PCGF6: variants seen among roughly 807,000 people sequenced by gnomAD.
PCGF6 encodes polycomb group RING finger protein 6.
A neutral mutation model predicts 45.5 loss-of-function variants in PCGF6; 24 were observed. That is an observed-to-expected ratio of 0.53 (90% confidence interval 0.38 to 0.74). The LOEUF (loss-of-function observed/expected upper bound fraction) is 0.74, where lower values mean the gene tolerates loss of function less well. Among genes scored for constraint, PCGF6 ranks in the 30% least tolerant of loss-of-function variants. PCGF6 has a pLI of 0.00. For synonymous variants in PCGF6, 152 were observed against 162.1 expected (o/e 0.94, Z 0.47); for missense variants, 356 against 443.2 (o/e 0.80, Z 1.77).
chr10:103,350,611 G>A (rs536008047), intron 1 of PCGF6, 96 bp downstream of exon 1: 2 of 1,241,066 alleles, frequency 1.6e-6, no homozygotes, highest in Non-Finnish European at 1.0e-6. Flanking sequence ...GCGCGGCGGC[G>A]GCGCACTAGG....
rs767801267 is a variant in PCGF6, at chr10:103,348,670, A to C, written c.557+46T>G. The C allele has an allele frequency of 5.9e-6, 8 of 1,357,428 alleles. No individual in the cohort carries two copies. In the East Asian group the frequency reaches 1.9e-4, roughly 33 times the overall value. The allele number at this position is 1,357,428 out of a possible 1,614,324, so 84.1% of individuals were successfully genotyped here. On this transcript the variant is annotated intron_variant, in intron 3 of 9. Transcript: ENST00000369847. ...CAACTATATAACTTCAAGCTTTCAG[A>C]AAAAGTATATTTAAAATACAATTGT...
At chr10:103,312,084 C>CACAA (rs2093159374) in intron 9 of PCGF6, among the ~76,000 whole-genome samples, 1 of 47,244 alleles carries the variant, frequency 2.1e-5, no homozygotes. Flanking sequence ...ACTCTGTCTC[C>CACAA]AAAAAAAAAA....
intron 5 of PCGF6, among the ~76,000 whole-genome samples, chr10:103,346,469 CA>C (rs1232080804): frequency 6.6e-6 from 1 of 151,666 alleles, no homozygotes; most frequent in Non-Finnish European, 1.5e-5. Flanking sequence ...ACTAAAAATA[CA>C]AAAATTAGCT....
intron 3 of PCGF6, among the ~76,000 whole-genome samples, chr10:103,347,928 C>G (rs1237046813): frequency 6.6e-6 from 1 of 152,170 alleles, no homozygotes; most frequent in Non-Finnish European, 1.5e-5. Context: ...TGTCTATCAT[C>G]TGCAAAGCAC....
chr10:103,348,944 C>G lies in PCGF6; in HGVS notation c.416G>C (p.Gly139Ala). 3 of 1,613,902 alleles carry G rather than the reference C, an allele frequency of 1.9e-6. No individual in the cohort carries two copies. In the South Asian group the frequency reaches 3.3e-5, roughly 18 times the overall value. Residue 139 changes from glycine (G) to alanine (A), a missense_variant, in exon 2 of 10, where the codon GGT becomes GCT. Physicochemically the swap from Gly to Ala is moderately conservative, Grantham distance 60 (BLOSUM62 0). This residue lies in a region of PCGF6 where 307 missense variants were observed against 350.1 expected (regional missense o/e 0.88). Transcript: ENST00000369847. The part of the protein sequence containing the change: ...TPYILCSICK[G>A]YLIDATTITE... The stretch of plus-strand genomic sequence containing the variant: ...GATGGTAGTTGCATCTATTAAGTAA[C>G]CTTTGCAAATGGAACACAAGATGTA...
chr10:103,345,440 T>C (rs1419863596), intron 5 of PCGF6, among the ~76,000 whole-genome samples: 3 of 151,928 alleles, frequency 2.0e-5, no homozygotes, highest in South Asian at 2.1e-4. Context: ...GGCTCATACT[T>C]AGCACTTCTC....
In PCGF6 at chr10:103,351,138, A is replaced by G; in HGVS notation, c.-72T>C. 7.7e-7 allele frequency: 1 copy of G among 1,300,932 alleles called. No individual in the cohort carries two copies. Among genetic ancestry groups the G allele is most frequent in the Non-Finnish European group, 9.8e-7 (1 of 1,016,810 alleles). 80.6% of individuals were successfully genotyped at this position (1,300,932 alleles called of 1,614,324 possible). A position where few individuals can be genotyped will look rare whatever the true frequency, so the allele number is the denominator to read the frequency against. On this transcript the variant is annotated 5_prime_UTR_variant, in exon 1 of 10. Coordinates refer to ENST00000369847, the MANE Select transcript of PCGF6 (RefSeq NM_001011663.2). Reference sequence around the variant, plus strand: ...AGTTCGGCCGGCCTCGGACGCCACCACTGCGCAGGCGCGGCAGCCTGAGGG... The same window carrying G: ...AGTTCGGCCGGCCTCGGACGCCACCGCTGCGCAGGCGCGGCAGCCTGAGGG...
At chr10:103,344,974 A>C in intron 6 of PCGF6, 50 bp downstream of exon 6, 1 of 1,255,368 alleles carries the variant, frequency 8.0e-7, no homozygotes, top group Non-Finnish European at 1.1e-6. Context: ...ATTTCCTATT[A>C]GGACTTTTAA....
intron 9 of PCGF6, among the ~76,000 whole-genome samples, chr10:103,310,480 TATATC>T (rs1450876856): frequency 1.4e-4 from 22 of 152,082 alleles, no homozygotes; most frequent in Admixed American, 7.2e-4. Context: ...TCAATTAAAA[TATATC>T]ATATGTACAT....
At chr10:103,324,667 G>A (rs2093210196) in intron 8 of PCGF6, among the ~76,000 whole-genome samples, 1 of 151,080 alleles carries the variant, frequency 6.6e-6, no homozygotes, top group African/African-American at 2.4e-5. Context: ...GCCTGAGGCA[G>A]GAGAATCACT....
At chr10:103,322,471 G>A (rs1054314174) in intron 8 of PCGF6, among the ~76,000 whole-genome samples, 1 of 151,984 alleles carries the variant, frequency 6.6e-6, no homozygotes, top group African/African-American at 2.4e-5. Context: ...CTCCCAAAGT[G>A]CTGGGATTAC....
chr10:103,320,846 T>C (rs1487809581), intron 8 of PCGF6, among the ~76,000 whole-genome samples: 3 of 151,554 alleles, frequency 2.0e-5, no homozygotes, highest in East Asian at 1.9e-4. Flanking sequence ...CTGTAAACCA[T>C]GCACACATTT....
In PCGF6 at chr10:103,350,949, C is replaced by T. The variant is rs1259438928; in HGVS notation, c.118G>A (p.Ala40Thr). The change falls in exon 1 of 10, where the codon GCG becomes ACG. Residue 40 changes from alanine (A) to threonine (T), a missense_variant. Around this residue, in one of 2 missense-constraint regions of PCGF6, gnomAD observed 307 missense variants for 350.1 expected, o/e 0.88. Transcript: ENST00000369847. The stretch of plus-strand genomic sequence containing the variant: ...AGAGGCGCCGGTCCCTCCTCACCCG[C>T]TGCGGGTGCAGGGGTGAGGGCGGGC... ...SPPALTPAPAAGEEGPAPLSE... is the reference protein window; with the variant it reads ...SPPALTPAPATGEEGPAPLSE... 1 of 1,492,908 alleles carries T rather than the reference C, an allele frequency of 6.7e-7. No individual in the cohort carries two copies. The highest frequency in any genetic ancestry group is 1.5e-5 in the African/African-American group (1 of 68,468). The allele number at this position is 1,492,908 out of a possible 1,614,324, so 92.5% of individuals were successfully genotyped here.
chr10:103,305,109 C>T (rs777561268), intron 9 of PCGF6, among the ~76,000 whole-genome samples: 3 of 151,956 alleles, frequency 2.0e-5, no homozygotes, highest in Non-Finnish European at 2.9e-5. Flanking sequence ...ACCACACACA[C>T]GCATGTGCCA....
intron 8 of PCGF6, among the ~76,000 whole-genome samples, chr10:103,324,183 C>T (rs1477725492): frequency 6.6e-6 from 1 of 152,016 alleles, no homozygotes; most frequent in East Asian, 1.9e-4. Context: ...AAATGATCCA[C>T]CTGCCTTGGC....
chr10:103,311,074 G>A (rs2093155699), intron 9 of PCGF6, among the ~76,000 whole-genome samples: 1 of 152,194 alleles, frequency 6.6e-6, no homozygotes, highest in South Asian at 2.1e-4. Context: ...GGGGTCAAAT[G>A]ATCCTCCCAT....
At position 103,345,055 on chromosome 10, in the gene PCGF6, G is replaced by C. The variant is rs756417949; in HGVS notation, c.751C>G (p.Leu251Val). The C allele has an allele frequency of 2.5e-6, 4 of 1,611,586 alleles. No homozygotes were observed. The East Asian group carries it at 6.7e-5, about 27-fold the overall frequency. ...LESVFRIPPELDMSLLLEFIG... is the reference protein window; with the variant it reads ...LESVFRIPPEVDMSLLLEFIG... ...AACTCCAGTAATAAAGACATATCAA[G>C]TTCAGGTGGAATACGAAACACTGAT... is the stretch of plus-strand genomic sequence containing the variant. The change falls in exon 6 of 10, where the codon CTT (leucine) becomes GTT (valine). Residue 251 changes from leucine to valine, a missense_variant. Physicochemically the swap from Leu to Val is conservative, Grantham distance 32. Coordinates refer to ENST00000369847, the MANE Select transcript of PCGF6 (RefSeq NM_001011663.2).
intron 3 of PCGF6, among the ~76,000 whole-genome samples, chr10:103,347,994 G>A (rs541202530): frequency 1.4e-3 from 19 of 13,310 alleles, no homozygotes; most frequent in African/African-American, 1.8e-3. Flanking sequence ...GTAATCTACT[G>A]TTAGTATTTT....
chr10:103,307,134 A>C (rs2093140833), intron 9 of PCGF6, among the ~76,000 whole-genome samples: 1 of 150,830 alleles, frequency 6.6e-6, no homozygotes, highest in African/African-American at 2.4e-5. Flanking sequence ...AAATAAAAAA[A>C]TAAAAAAATT....
Sources: gnomAD v4.1 joint callset for allele counts (sites outside exome capture counted in the v4.1 genomes callset) on GRCh38, gnomAD v4.1.1 for gene constraint, gnomAD v4.1.1 regional missense constraint, MANE v1.5 for transcripts, NCBI Gene and HGNC (gene_info 2026-07-23, HGNC 2026-07-21) for gene names.